Variants in LSAMP observed in about 807,000 individuals in gnomAD.
LSAMP encodes the protein limbic system-associated membrane protein.
In LSAMP, 7 loss-of-function variants were observed where a neutral mutation model predicts 38.6. The ratio of observed to expected loss-of-function variants is 0.18; its 90% CI spans 0.10 to 0.34. The LOEUF (loss-of-function observed/expected upper bound fraction) is 0.34. LSAMP is among the 10% of genes least tolerant of loss of function. The pLI, the probability that LSAMP is intolerant of heterozygous loss-of-function variation, is 1.00. For missense variants in LSAMP, 313 were observed against 420.0 expected (o/e 0.75, Z 2.23); for synonymous variants, 154 against 166.8 (o/e 0.92, Z 0.59).
intron 1 of LSAMP, among the ~76,000 whole-genome samples, chr3:116,405,899 T>C (rs2048891804): frequency 6.6e-6 from 1 of 152,008 alleles, no homozygotes; most frequent in Non-Finnish European, 1.5e-5. Context: ...TACTTGAACA[T>C]GGAAAAACCA....
At chr3:116,359,877 A>G (rs1004596072) in intron 1 of LSAMP, 3 of 152,218 alleles carry the variant, frequency 2.0e-5, no homozygotes, top group Non-Finnish European at 2.9e-5. Flanking sequence ...TAAAAATCCT[A>G]TAAGAAAATC....
intron 3 of LSAMP, among the ~76,000 whole-genome samples, chr3:115,883,290 G>A (rs911073010): frequency 6.6e-6 from 1 of 151,952 alleles, no homozygotes; most frequent in African/African-American, 2.4e-5. Context: ...GATAGGAAGT[G>A]TAAAGGTAAG....
At chr3:116,077,692 C>T (rs1707776743) in intron 2 of LSAMP, among the ~76,000 whole-genome samples, 1 of 152,152 alleles carries the variant, frequency 6.6e-6, no homozygotes, top group South Asian at 2.1e-4. Flanking sequence ...ATCCTTCACC[C>T]AGACTCTACT....
chr3:116,085,734 G>A (rs1299534945), intron 2 of LSAMP, among the ~76,000 whole-genome samples: 1 of 152,106 alleles, frequency 6.6e-6, no homozygotes, highest in Non-Finnish European at 1.5e-5. Flanking sequence ...CAATCTAGAA[G>A]CAAATTGTCC....
intron 3 of LSAMP, among the ~76,000 whole-genome samples, chr3:115,886,695 A>G (rs1223873490): frequency 2.0e-5 from 3 of 151,996 alleles, no homozygotes; most frequent in African/African-American, 7.2e-5. Flanking sequence ...CAAAGTGGGA[A>G]AATAGAGCCA....
At chr3:115,909,528 C>A (rs1302811417) in intron 3 of LSAMP, among the ~76,000 whole-genome samples, 1 of 152,200 alleles carries the variant, frequency 6.6e-6, no homozygotes, top group African/African-American at 2.4e-5. Context: ...CTGCTTCTTC[C>A]AATCCCCGTC....
intron 3 of LSAMP, among the ~76,000 whole-genome samples, chr3:115,922,225 A>G (rs1937399278): frequency 6.6e-6 from 1 of 152,030 alleles, no homozygotes; most frequent in Admixed American, 6.6e-5. Context: ...TTGCTTGATG[A>G]AGTCCCATAA....
At chr3:115,907,767 A>C (rs983489384) in intron 3 of LSAMP, among the ~76,000 whole-genome samples, 1 of 152,192 alleles carries the variant, frequency 6.6e-6, no homozygotes, top group African/African-American at 2.4e-5. Flanking sequence ...TTAGTTTTTA[A>C]TCAAAGTAAA....
chr3:116,162,275 G>A (rs1458923571), intron 1 of LSAMP, among the ~76,000 whole-genome samples: 1 of 152,108 alleles, frequency 6.6e-6, no homozygotes, highest in Non-Finnish European at 1.5e-5. Context: ...CCTTGTGCAT[G>A]GTTTGGTGTT....
intron 1 of LSAMP, among the ~76,000 whole-genome samples, chr3:116,397,388 C>G (rs1033831297): frequency 3.8e-5 from 2 of 52,256 alleles, no homozygotes; most frequent in Non-Finnish European, 6.3e-5. Flanking sequence ...AAATACCCGC[C>G]CCCCCCCCAC....
intron 1 of LSAMP, among the ~76,000 whole-genome samples, chr3:116,158,038 A>C (rs1709796257): frequency 6.6e-6 from 1 of 152,174 alleles, no homozygotes; most frequent in Non-Finnish European, 1.5e-5. Context: ...CTGGGAGGCA[A>C]AGTTGGTTCA....
rs925358575 is a variant in LSAMP at position 115,808,307 on chromosome 3, C to T, written c.*2010G>A. The T allele has an allele frequency of 6.6e-6, 1 of 151,808 alleles. No homozygotes were observed. The highest frequency in any genetic ancestry group is 2.4e-5 in the African/African-American group (1 of 41,268). The allele number at this position is 151,808 out of a possible 1,614,324, so 9.4% of individuals were successfully genotyped here. ...TACCATATTTGGCTCTGCAAGATTA[C>T]ATTCAAATATAATCTCAAAATAATT... is the stretch of plus-strand genomic sequence containing the variant. On this transcript the variant is annotated 3_prime_UTR_variant, in exon 7 of 7. Coordinates refer to ENST00000490035, the MANE Select transcript of LSAMP (RefSeq NM_002338.5).
At chr3:116,270,358 G>A (rs982366550) in intron 1 of LSAMP, among the ~76,000 whole-genome samples, 1 of 152,040 alleles carries the variant, frequency 6.6e-6, no homozygotes, top group Admixed American at 6.6e-5. Flanking sequence ...CTTCTGCCCA[G>A]TACAACTCAA....
intron 2 of LSAMP, 136 bp from the exon 3 acceptor site, chr3:116,019,776 G>A: frequency 1.1e-6 from 1 of 925,710 alleles, no homozygotes; most frequent in Non-Finnish European, 1.6e-6. Context: ...ATGCTTTTAA[G>A]ACCCATGCTT....
chr3:115,969,749 C>T (rs189595073), intron 3 of LSAMP, among the ~76,000 whole-genome samples: 1 of 152,250 alleles, frequency 6.6e-6, no homozygotes, highest in Admixed American at 6.5e-5. Context: ...ATCATAAGAT[C>T]TTCTGGGGTA....
intron 3 of LSAMP, among the ~76,000 whole-genome samples, chr3:115,861,915 A>T (rs956835846): frequency 1.3e-5 from 2 of 152,208 alleles, no homozygotes; most frequent in Non-Finnish European, 2.9e-5. Flanking sequence ...TAGCTCCTAA[A>T]GCCAGCACCC....
intron 1 of LSAMP, among the ~76,000 whole-genome samples, chr3:116,231,262 C>T (rs948098445): frequency 6.6e-6 from 1 of 152,260 alleles, no homozygotes; most frequent in South Asian, 2.1e-4. Flanking sequence ...TTACATAGGA[C>T]ACAGTTCTCA....
chr3:116,116,789 C>A (rs1708761500), intron 1 of LSAMP, among the ~76,000 whole-genome samples: 1 of 151,982 alleles, frequency 6.6e-6, no homozygotes, highest in Non-Finnish European at 1.5e-5. Flanking sequence ...GAAGACTCTC[C>A]AGGAGCCACG....
At chr3:116,057,246 G>A (rs1282407999) in intron 2 of LSAMP, among the ~76,000 whole-genome samples, 1 of 152,212 alleles carries the variant, frequency 6.6e-6, no homozygotes, top group African/African-American at 2.4e-5. Flanking sequence ...AAACAAGACT[G>A]ATCAACCAGG....
Sources: gnomAD v4.1 joint callset for allele counts (sites outside exome capture counted in the v4.1 genomes callset) on GRCh38, gnomAD v4.1.1 for gene constraint, MANE v1.5 for transcripts, NCBI Gene and HGNC (gene_info 2026-07-23, HGNC 2026-07-21) for gene names.